ASTN2: variants seen among roughly 807,000 people sequenced by gnomAD.
The protein encoded by ASTN2 is astrotactin 2, also known as astrotactin-2.
ASTN2 carries 54 observed loss-of-function variants against 139.8 expected under a neutral mutation model. That is an observed-to-expected ratio of 0.39 (90% CI 0.31 to 0.48). ASTN2 has a LOEUF of 0.48. Ranked by LOEUF, ASTN2 falls within the 20% of genes least tolerant of loss-of-function variation. The pLI is 0.95. For synonymous variants in ASTN2, 756 were observed against 719.5 expected (o/e 1.05, Z -0.81); for missense variants, 1,565 against 1,725.1 (o/e 0.91, Z 1.64).
chr9:116,781,098 C>T (rs1830208363), intron 13 of ASTN2, among the ~76,000 whole-genome samples: 1 of 152,080 alleles, frequency 6.6e-6, no homozygotes, highest in Non-Finnish European at 1.5e-5. Context: ...CCTCGGCCTC[C>T]CAAAGTGTTG....
intron 2 of ASTN2, among the ~76,000 whole-genome samples, chr9:117,282,204 A>G (rs1415922487): frequency 6.6e-6 from 1 of 151,954 alleles, no homozygotes; most frequent in Non-Finnish European, 1.5e-5. Context: ...GTCTCTAGTA[A>G]TTTCAACGTA....
intron 2 of ASTN2, among the ~76,000 whole-genome samples, chr9:117,216,801 G>A (rs1344978319): frequency 1.3e-5 from 2 of 152,048 alleles, no homozygotes; most frequent in Non-Finnish European, 2.9e-5. Flanking sequence ...GAGGGAGAGT[G>A]AAGAGAGGAA....
At chr9:117,053,998 T>C (rs926414675) in intron 5 of ASTN2, among the ~76,000 whole-genome samples, 1 of 151,670 alleles carries the variant, frequency 6.6e-6, no homozygotes, top group African/African-American at 2.4e-5. Context: ...TAGCTTTGCC[T>C]TTAGTGGGGG....
intron 4 of ASTN2, among the ~76,000 whole-genome samples, chr9:117,134,295 TACAC>T (rs3041140): frequency 0.066 from 4,846 of 73,616 alleles, 109 homozygotes; most frequent in Admixed American, 0.081. Flanking sequence ...TATATATATA[TACAC>T]ACACACACAC....
chr9:117,251,442 G>T (rs1295054224), intron 2 of ASTN2, among the ~76,000 whole-genome samples: 1 of 151,258 alleles, frequency 6.6e-6, no homozygotes, highest in Non-Finnish European at 1.5e-5. Flanking sequence ...TTTGTGCTTT[G>T]TCCTCTTCTT....
At chr9:116,920,081 C>T (rs940368092) in intron 10 of ASTN2, among the ~76,000 whole-genome samples, 2 of 152,168 alleles carry the variant, frequency 1.3e-5, no homozygotes, top group Admixed American at 1.3e-4. Flanking sequence ...ATGCTGCCTC[C>T]TTGGTATTCT....
intron 19 of ASTN2, among the ~76,000 whole-genome samples, chr9:116,539,239 G>A (rs1342596171): frequency 6.6e-6 from 1 of 152,056 alleles, no homozygotes; most frequent in Non-Finnish European, 1.5e-5. Flanking sequence ...TTTATTTTGG[G>A]GTGTTGAAAA....
chr9:116,715,720 C>A (rs2021970), intron 16 of ASTN2, among the ~76,000 whole-genome samples: 14,341 of 152,186 alleles, frequency 0.094, 1,231 homozygotes, highest in East Asian at 0.4. Flanking sequence ...ACTGTGGGAT[C>A]TTTGAGAGCA....
chr9:117,239,803 A>T (rs79443283), intron 2 of ASTN2, among the ~76,000 whole-genome samples: 8,738 of 152,290 alleles, frequency 0.057, 868 homozygotes, highest in African/African-American at 0.2. Flanking sequence ...AGGCTCAGGC[A>T]TGCAAGTGAA....
rs537907141 is a variant in ASTN2 at position 116,440,460 on chromosome 9, T to A, written c.3782+149A>T. 3.0e-5 allele frequency: 21 copies of A among 711,456 alleles called. No individual in the cohort carries two copies. In the South Asian group the frequency reaches 3.6e-4, roughly 12 times the overall value. The allele number at this position is 711,456 out of a possible 1,614,324, so 44.1% of individuals were successfully genotyped here. On this transcript the variant is annotated intron_variant, in intron 22 of 22. Coordinates refer to ENST00000313400, the MANE Select transcript of ASTN2 (RefSeq NM_001365068.1). ...AAGATTCTTTCATTATCTCTGCCTA[T>A]TTTCTATCTTTAGCCTTGACACGAC...
intron 12 of ASTN2, among the ~76,000 whole-genome samples, chr9:116,817,726 A>C (rs966074340): frequency 1.3e-5 from 2 of 152,240 alleles, no homozygotes; most frequent in Non-Finnish European, 2.9e-5. Context: ...GTAATTACAT[A>C]ATTAAATGAG....
Position 116,781,172 on chromosome 9 carries a change from A to G in ASTN2, c.2396+24460T>C, listed in dbSNP as rs1830210222. Among the ~76,000 whole-genome samples, 4 of 152,310 alleles carry G rather than the reference A, an allele frequency of 2.6e-5. 1 individual carries two copies. In the South Asian group the frequency reaches 8.3e-4, roughly 32 times the overall value. On this transcript the variant is annotated intron_variant, in intron 13 of 22. Transcript: ENST00000313400. ...TTTAAAATGGATTCACACATTGCCTAGAGTTCTATTTTGCAGAAAGGAGGG... is the reference window on the plus strand; with the variant it reads ...TTTAAAATGGATTCACACATTGCCTGGAGTTCTATTTTGCAGAAAGGAGGG...
At chr9:116,785,614 CTCCATCAATGGCACA>C (rs1218805786) in intron 13 of ASTN2, among the ~76,000 whole-genome samples, 1 of 152,198 alleles carries the variant, frequency 6.6e-6, no homozygotes, top group Non-Finnish European at 1.5e-5. Context: ...GCTTTCCTGT[CTCCATCAATGGCACA>C]TCCGTCTGTC....
chr9:116,704,441 TAG>T, intron 16 of ASTN2, among the ~76,000 whole-genome samples: 1 of 152,236 alleles, frequency 6.6e-6, no homozygotes, highest in African/African-American at 2.4e-5. Context: ...CCTGCTGAGC[TAG>T]AGTTTTCCTT....
At chr9:117,080,699 G>C (rs1372545204) in intron 5 of ASTN2, among the ~76,000 whole-genome samples, 1 of 152,106 alleles carries the variant, frequency 6.6e-6, no homozygotes, top group Non-Finnish European at 1.5e-5. Flanking sequence ...CCACCAATAA[G>C]GTTGAAACAG....
At chr9:116,652,421 T>C (rs1052923268) in intron 16 of ASTN2, among the ~76,000 whole-genome samples, 8 of 152,186 alleles carry the variant, frequency 5.3e-5, no homozygotes, top group Admixed American at 1.3e-4. Context: ...GATATAAATA[T>C]TCAAAGATAT....
intron 13 of ASTN2, among the ~76,000 whole-genome samples, chr9:116,745,698 G>A (rs1365247339): frequency 2.6e-5 from 4 of 152,110 alleles, no homozygotes; most frequent in African/African-American, 4.8e-5. Flanking sequence ...CTCTCATAGC[G>A]ACTACTACAA....
chr9:116,812,334 C>T (rs965946948), intron 12 of ASTN2, among the ~76,000 whole-genome samples: 1 of 152,150 alleles, frequency 6.6e-6, no homozygotes, highest in South Asian at 2.1e-4. Flanking sequence ...CTTGGGTGAT[C>T]TCAATGTCAT....
rs1829758456 is a variant in ASTN2 at position 117,128,604 on chromosome 9, A to T, written c.1168+12722T>A. On this transcript the variant is annotated intron_variant, in intron 4 of 22. Coordinates refer to ENST00000313400, the MANE Select transcript of ASTN2 (RefSeq NM_001365068.1). ...GGCAAGGAGTGGGTTTGTATCAGAAAGGGGTTGATGCCATCTTTGTTTCAA... is the reference window on the plus strand; with the variant it reads ...GGCAAGGAGTGGGTTTGTATCAGAATGGGGTTGATGCCATCTTTGTTTCAA... Among the ~76,000 whole-genome samples, 5 of 152,176 alleles carry T rather than the reference A, an allele frequency of 3.3e-5. No individual in the cohort carries two copies. In the South Asian group the frequency reaches 1.0e-3, roughly 32 times the overall value.
Sources: allele counts gnomAD v4.1 joint callset (sites outside exome capture counted in the v4.1 genomes callset), GRCh38; gene constraint gnomAD v4.1.1; transcripts MANE v1.5; gene names NCBI Gene and HGNC (gene_info 2026-07-23, HGNC 2026-07-21).